The following FAM20C variants were observed in gnomAD, a reference collection of about 807,000 sequenced individuals.
The protein encoded by FAM20C is FAM20C golgi associated secretory pathway kinase.
A neutral mutation model predicts 51.5 loss-of-function variants in FAM20C; 40 were observed. That is an observed-to-expected ratio of 0.78 (90% confidence interval 0.60 to 1.01). The LOEUF (loss-of-function observed/expected upper bound fraction) is 1.01, where lower values mean the gene tolerates loss of function less well. Among genes scored for constraint, FAM20C ranks in the 50% least tolerant of loss-of-function variants. FAM20C has a pLI of 0.00. For missense variants in FAM20C, 861 were observed against 844.7 expected, an observed-to-expected ratio of 1.02 and a Z score of -0.24; for synonymous variants, 406 against 380.6, an observed-to-expected ratio of 1.07 and a Z score of -0.78.
intron 2 of FAM20C, among the ~76,000 whole-genome samples, chr7:208,020 C>G (rs923607032): frequency 6.6e-6 from 1 of 152,234 alleles, no homozygotes; most frequent in Non-Finnish European, 1.5e-5. Flanking sequence ...GGAGCTGCCT[C>G]GCATGAGACA....
intron 3 of FAM20C, among the ~76,000 whole-genome samples, chr7:213,357 T>C (rs138298858): frequency 3.2e-3 from 480 of 152,256 alleles, no homozygotes; most frequent in African/African-American, 0.011. Context: ...CAGTGTGTAG[T>C]CCTTTGTGAG....
intron 2 of FAM20C, among the ~76,000 whole-genome samples, chr7:200,732 T>C (rs982589693): frequency 1.3e-5 from 2 of 152,212 alleles, no homozygotes; most frequent in Non-Finnish European, 2.9e-5. Context: ...GGCGAAAGTG[T>C]CCTGAGGGTG....
At chr7:201,641 T>C (rs1214411869) in intron 2 of FAM20C, among the ~76,000 whole-genome samples, 2 of 152,228 alleles carry the variant, frequency 1.3e-5, no homozygotes, top group Admixed American at 6.5e-5. Flanking sequence ...GCCACACCGA[T>C]TGGGGCCTGG....
intron 5 of FAM20C, among the ~76,000 whole-genome samples, chr7:253,163 A>G (rs893875813): frequency 6.6e-6 from 1 of 152,126 alleles, no homozygotes; most frequent in Admixed American, 6.5e-5. Context: ...CCAGCGATGG[A>G]CCCAGTTCGG....
At position 193,910 on chromosome 7, in the gene FAM20C, G is replaced by A. The variant is rs1203030292; in HGVS notation, c.605+106G>A. ...AGGGCCGCCCCCCATGGAAGAGGCC[G>A]GGCAGGGAGTGTGGTGCGGGAGGAG... On this transcript the variant is annotated intron_variant, in intron 1 of 9. Coordinates refer to ENST00000313766, the MANE Select transcript of FAM20C (RefSeq NM_020223.4). The A allele has an allele frequency of 8.6e-6, 12 of 1,399,932 alleles. No homozygotes were observed. In the Admixed American group the frequency reaches 3.3e-4, roughly 39 times the overall value. The allele number at this position is 1,399,932 out of a possible 1,614,324, so 86.7% of individuals were successfully genotyped here. A position where few individuals can be genotyped will look rare whatever the true frequency, so the allele number is the denominator to read the frequency against.
chr7:220,217 GC>G (rs1216029892), intron 3 of FAM20C, among the ~76,000 whole-genome samples: 1 of 152,178 alleles, frequency 6.6e-6, no homozygotes, highest in Non-Finnish European at 1.5e-5. Context: ...CATGGAAGTG[GC>G]CTCCTGGGTC....
intron 3 of FAM20C, among the ~76,000 whole-genome samples, chr7:230,244 G>C (rs1004694441): frequency 6.6e-6 from 1 of 152,080 alleles, no homozygotes; most frequent in Non-Finnish European, 1.5e-5. Flanking sequence ...CAGGGCTGCA[G>C]TAACAAGCCC....
chr7:247,541 G>A (rs1314421261), intron 4 of FAM20C, among the ~76,000 whole-genome samples: 8 of 152,194 alleles, frequency 5.3e-5, no homozygotes, highest in Non-Finnish European at 8.8e-5. Flanking sequence ...CCCTAGTGAC[G>A]CGGGCGTACA....
chr7:197,817 G>C (rs1785951266), intron 2 of FAM20C, among the ~76,000 whole-genome samples: 1 of 152,196 alleles, frequency 6.6e-6, no homozygotes, highest in African/African-American at 2.4e-5. Flanking sequence ...AGCAGCTTCA[G>C]GGAGAGTGTG....
At chr7:223,700 G>A (rs930249674) in intron 3 of FAM20C, among the ~76,000 whole-genome samples, 10 of 152,358 alleles carry the variant, frequency 6.6e-5, no homozygotes, top group African/African-American at 7.2e-5. Context: ...GGGCCCTTAC[G>A]CGGATGCCGC....
chr7:249,517 G>T (rs1008834702), intron 5 of FAM20C, among the ~76,000 whole-genome samples: 1 of 152,226 alleles, frequency 6.6e-6, no homozygotes, highest in Middle Eastern at 3.2e-3. Context: ...AAGGTGGGAG[G>T]ATCACTTGAT....
rs553306452 is a variant in FAM20C at position 260,005 on chromosome 7, G to A, written c.*25G>A. 9.7e-5 allele frequency: 145 copies of A among 1,488,106 alleles called. No individual in the cohort carries two copies. The highest frequency in any genetic ancestry group is 5.5e-4 in the African/African-American group (40 of 72,102). 92.2% of individuals were successfully genotyped at this position (1,488,106 alleles called of 1,614,324 possible). A position where few individuals can be genotyped will look rare whatever the true frequency, so the allele number is the denominator to read the frequency against. On this transcript the variant is annotated 3_prime_UTR_variant, in exon 10 of 10. Coordinates refer to ENST00000313766, the MANE Select transcript of FAM20C (RefSeq NM_020223.4). ...GTGTCCGCCGGCCGCTGCGCTGCCC[G>A]GGACGGAGACAGAGGCGCCGGACCT...
At chr7:256,553 C>T in intron 6 of FAM20C, 101 bp from the exon 7 acceptor site, 1 of 990,302 alleles carries the variant, frequency 1.0e-6, no homozygotes, top group Non-Finnish European at 1.5e-6. Context: ...TCTGCAGACG[C>T]CAAGGTCCCT....
chr7:216,676 TGTGTGA>T (rs1479191030), intron 3 of FAM20C, among the ~76,000 whole-genome samples: 1 of 142,638 alleles, frequency 7.0e-6, no homozygotes, highest in African/African-American at 2.7e-5. Context: ...AGACAGAGTG[TGTGTGA>T]GAGTGTGTGT....
intron 1 of FAM20C, 80 bp from the exon 2 acceptor site, chr7:195,474 G>T (rs1785813523): frequency 3.9e-6 from 5 of 1,297,000 alleles, no homozygotes; most frequent in Non-Finnish European, 3.0e-6. Context: ...AAAAACACTG[G>T]CGTCGGTGCC....
chr7:231,208 T>TG (rs995469812), intron 3 of FAM20C, among the ~76,000 whole-genome samples: 8 of 151,900 alleles, frequency 5.3e-5, no homozygotes, highest in Non-Finnish European at 8.8e-5. Flanking sequence ...GTGGGTGCGC[T>TG]GGGGGGTCTG....
chr7:251,262 T>TCACGGCTGCACTGAGTGGCCGGGCACGGC (rs1562396170), intron 5 of FAM20C, among the ~76,000 whole-genome samples: 5 of 52,906 alleles, frequency 9.5e-5, no homozygotes, highest in South Asian at 5.7e-4. Context: ...CCGGGCACGG[T>TCACGGCTGCACTGAGTGGCCGGGCACGGC]GGCTCACACG....
intron 3 of FAM20C, among the ~76,000 whole-genome samples, chr7:222,556 G>T (rs937078692): frequency 1.2e-4 from 19 of 152,142 alleles, no homozygotes; most frequent in African/African-American, 4.1e-4. Flanking sequence ...CCTCCTGGGG[G>T]CTCTGAGACC....
chr7:250,648 G>A (rs1788359746), intron 5 of FAM20C, among the ~76,000 whole-genome samples: 1 of 152,166 alleles, frequency 6.6e-6, no homozygotes, highest in Non-Finnish European at 1.5e-5. Flanking sequence ...TCCGGCCGCT[G>A]TCAGCCCTTG....
Sources: allele counts gnomAD v4.1 joint callset (sites outside exome capture counted in the v4.1 genomes callset), GRCh38; gene constraint gnomAD v4.1.1; transcripts MANE v1.5; gene names NCBI Gene and HGNC (gene_info 2026-07-23, HGNC 2026-07-21).